Variants in PCDH15 observed in about 807,000 individuals in gnomAD.
PCDH15 encodes the protein protocadherin-15.
In PCDH15, 129 loss-of-function variants were observed where a neutral mutation model predicts 178.5. That is an observed-to-expected ratio of 0.72 (90% CI 0.63 to 0.84). PCDH15 has a LOEUF of 0.84. PCDH15 is among the 40% of genes least tolerant of loss of function. The pLI, the probability that PCDH15 is intolerant of heterozygous loss-of-function variation, is 0.00. For missense variants in PCDH15, 2,230 were observed against 2,099.9 expected (o/e 1.06, Z -1.21); for synonymous variants, 800 against 732.0 (o/e 1.09, Z -1.50).
chr10:55,331,848 G>A (rs1844207963), intron 2 of PCDH15, among the ~76,000 whole-genome samples: 1 of 152,078 alleles, frequency 6.6e-6, no homozygotes, highest in Non-Finnish European at 1.5e-5. Flanking sequence ...CTTCAATAGT[G>A]TAAATCTCAC....
At chr10:55,287,555 C>G (rs1171704024) in intron 1 of PCDH15, among the ~76,000 whole-genome samples, 1 of 151,992 alleles carries the variant, frequency 6.6e-6, no homozygotes, top group African/African-American at 2.4e-5. Context: ...GCCTGAGTTG[C>G]ATTCAGAGTA....
chr10:54,363,401 A>C (rs1946343079), intron 5 of PCDH15, among the ~76,000 whole-genome samples: 2 of 152,262 alleles, frequency 1.3e-5, no homozygotes, highest in South Asian at 4.1e-4. Flanking sequence ...CAAAAATTCT[A>C]ATACTACCAT....
Position 53,938,891 on chromosome 10 carries a change from G to A in PCDH15, c.3297C>T (p.Thr1099=), listed in dbSNP as rs749666237. ...GGACTCGAAGTACATAGCTTGTCCTGGTCTCATAATCCAGAGGTCCATTCA... is the reference window on the plus strand; with the variant it reads ...GGACTCGAAGTACATAGCTTGTCCTAGTCTCATAATCCAGAGGTCCATTCA... ...IYVNGPLDYE[T]RTSYVLRVQA... The change falls in exon 25 of 38, where the codon ACC becomes ACT. Residue 1099 remains threonine (T), a synonymous_variant. Coordinates refer to ENST00000644397, the MANE Select transcript of PCDH15 (RefSeq NM_001384140.1). 1.4e-5 allele frequency: 23 copies of A among 1,613,212 alleles called. No homozygotes were observed. The highest frequency in any genetic ancestry group is 1.9e-5 in the Non-Finnish European group (22 of 1,179,488).
At chr10:54,580,659 C>T (rs373689004) in intron 2 of PCDH15, among the ~76,000 whole-genome samples, 1 of 151,950 alleles carries the variant, frequency 6.6e-6, no homozygotes. Context: ...AGAAAAACTA[C>T]AGGCTAATAT....
Position 54,870,143 on chromosome 10 carries a change from A to G in PCDH15, c.-29+27307T>C, listed in dbSNP as rs115277238. On this transcript the variant is annotated intron_variant, in intron 3 of 5. Coordinates refer to the PCDH15 transcript ENST00000458638. Reference sequence around the variant, plus strand: ...TCCATTAAGTTGTCAAACAGGCAAGAAGATCTAAGGAAAATCAGAAAGAGC... The same window carrying G: ...TCCATTAAGTTGTCAAACAGGCAAGGAGATCTAAGGAAAATCAGAAAGAGC... 9.6e-3 allele frequency among the ~76,000 whole-genome samples: 1,464 copies of G among 152,352 alleles called. 19 individuals carry two copies. Among genetic ancestry groups the G allele is most frequent in the African/African-American group, 0.033 (1,367 of 41,574 alleles).
At chr10:54,403,691 C>T (rs975663874) in intron 3 of PCDH15, among the ~76,000 whole-genome samples, 3 of 151,730 alleles carry the variant, frequency 2.0e-5, no homozygotes, top group Admixed American at 2.0e-4. Flanking sequence ...ATTCAGAAAC[C>T]CTCAAAATCT....
At chr10:55,318,657 T>C (rs1048241908) in intron 1 of PCDH15, among the ~76,000 whole-genome samples, 9 of 152,256 alleles carry the variant, frequency 5.9e-5, no homozygotes, top group African/African-American at 1.9e-4. Context: ...TTATGCTTAA[T>C]TGAAAATCAA....
At chr10:54,933,598 T>C (rs1240589810) in intron 2 of PCDH15, among the ~76,000 whole-genome samples, 1 of 152,148 alleles carries the variant, frequency 6.6e-6, no homozygotes, top group Non-Finnish European at 1.5e-5. Flanking sequence ...TAAAGCTAAT[T>C]GCCAGTTTGA....
intron 2 of PCDH15, among the ~76,000 whole-genome samples, chr10:55,471,069 C>T (rs763238447): frequency 4.4e-4 from 67 of 152,118 alleles, no homozygotes; most frequent in South Asian, 1.0e-3. Flanking sequence ...ACCTACTAAA[C>T]GATATATTGG....
At chr10:55,526,010 T>C (rs562062323) in intron 2 of PCDH15, among the ~76,000 whole-genome samples, 1 of 152,084 alleles carries the variant, frequency 6.6e-6, no homozygotes, top group South Asian at 2.1e-4. Context: ...GATCAATAAA[T>C]GTGCATTTTA....
chr10:54,204,950 C>T (rs555173080), intron 10 of PCDH15, among the ~76,000 whole-genome samples: 1 of 152,276 alleles, frequency 6.6e-6, no homozygotes, highest in South Asian at 2.1e-4. Flanking sequence ...CCCAGGGGCT[C>T]AACCAAAATA....
At chr10:54,168,628 C>T (rs2046524043) in intron 13 of PCDH15, among the ~76,000 whole-genome samples, 1 of 152,112 alleles carries the variant, frequency 6.6e-6, no homozygotes, top group African/African-American at 2.4e-5. Flanking sequence ...AAGGTTAATG[C>T]TCCTTTTTCT....
At chr10:54,570,097 T>G (rs188311061) in intron 2 of PCDH15, among the ~76,000 whole-genome samples, 1 of 151,970 alleles carries the variant, frequency 6.6e-6, no homozygotes, top group Admixed American at 6.6e-5. Context: ...TTTATCTCAC[T>G]GTCTCGGGAG....
intron 9 of PCDH15, among the ~76,000 whole-genome samples, chr10:54,219,592 CAAAAAAA>C (rs763785938): frequency 0.018 from 587 of 32,402 alleles, 6 homozygotes; most frequent in African/African-American, 0.045. Flanking sequence ...GACTCCATCT[CAAAAAAA>C]AAAAAAAAAA....
chr10:54,072,373 T>C (rs1343633577), intron 17 of PCDH15, among the ~76,000 whole-genome samples: 1 of 152,170 alleles, frequency 6.6e-6, no homozygotes, highest in Non-Finnish European at 1.5e-5. Context: ...ATTCAGATTG[T>C]AGAGTTTCAT....
At chr10:55,238,778 T>A (rs1841463301) in intron 1 of PCDH15, among the ~76,000 whole-genome samples, 1 of 152,138 alleles carries the variant, frequency 6.6e-6, no homozygotes, top group South Asian at 2.1e-4. Flanking sequence ...GTATATGTGA[T>A]GTTTTCATAC....
At chr10:54,455,494 G>A (rs1170547716) in intron 3 of PCDH15, among the ~76,000 whole-genome samples, 1 of 152,132 alleles carries the variant, frequency 6.6e-6, no homozygotes, top group African/African-American at 2.4e-5. Context: ...TTGGAGTATA[G>A]GTCACTCTTG....
chr10:54,918,683 C>A (rs1195106707), intron 2 of PCDH15, among the ~76,000 whole-genome samples: 1 of 151,922 alleles, frequency 6.6e-6, no homozygotes, highest in Non-Finnish European at 1.5e-5. Context: ...TCCTTATATC[C>A]CAATATTACT....
chr10:54,067,543 G>A (rs1343812793), intron 17 of PCDH15, among the ~76,000 whole-genome samples: 1 of 152,020 alleles, frequency 6.6e-6, no homozygotes, highest in Non-Finnish European at 1.5e-5. Flanking sequence ...ATATTATGTA[G>A]GTCAATGACT....
Sources: gnomAD v4.1 joint callset for allele counts (sites outside exome capture counted in the v4.1 genomes callset) on GRCh38, gnomAD v4.1.1 for gene constraint, MANE v1.5 for transcripts, NCBI Gene and HGNC (gene_info 2026-07-23, HGNC 2026-07-21) for gene names.